The following TMEM258 variants were observed in gnomAD, a reference collection of about 807,000 sequenced individuals.
TMEM258 encodes the protein transmembrane protein 258, also known as dolichyl-diphosphooligosaccharide--protein glycosyltransferase subunit TMEM258.
A neutral mutation model predicts 9.9 loss-of-function variants in TMEM258; 11 were observed. That is an observed-to-expected ratio of 1.11 (90% confidence interval 0.70 to 1.85). The LOEUF is 1.85. TMEM258 is among the 40% of genes most tolerant of loss of function. The pLI is 0.00. For synonymous variants in TMEM258, 40 were observed against 39.1 expected (o/e 1.02, Z -0.09); for missense variants, 81 against 99.7 (o/e 0.81, Z 0.80).
In TMEM258 at chr11:61,792,591, C is replaced by T. The variant is rs778190929; in HGVS notation, c.-33G>A. The T allele has an allele frequency of 5.0e-6, 8 of 1,613,438 alleles. 1 individual carries two copies. In the South Asian group the frequency reaches 8.8e-5, roughly 18 times the overall value. On this transcript the variant is annotated 5_prime_UTR_variant, in exon 1 of 4. Transcript: ENST00000537328. ...CGCGAAGGCTAATCCGCCGCTCCGC[C>T]ACCGGAAGAACACGTCGGCAGGAGC...
intron 3 of TMEM258, among the ~76,000 whole-genome samples, chr11:61,789,536 C>T (rs886595155): frequency 1.3e-5 from 2 of 152,244 alleles, no homozygotes; most frequent in African/African-American, 2.4e-5. Flanking sequence ...GGTGGTACAT[C>T]CCAAAGGCAG....
At chr11:61,792,423 C>G (rs2066791516) in intron 1 of TMEM258, 133 bp downstream of exon 1, 1 of 1,346,740 alleles carries the variant, frequency 7.4e-7, no homozygotes, top group Admixed American at 1.7e-5. Context: ...CTTCCCCACC[C>G]TTCAGCCCAA....
intron 2 of TMEM258, chr11:61,790,284 G>T: frequency 1.7e-6 from 1 of 605,850 alleles, no homozygotes. Flanking sequence ...CACTGTCCTG[G>T]AAATCCAAAG....
chr11:61,789,721 TCTGGGGAGGCTTCC>T, intron 3 of TMEM258, 50 bp downstream of exon 3: 1 of 1,522,550 alleles, frequency 6.6e-7, no homozygotes, highest in African/African-American at 1.4e-5. Context: ...CTGACCTGAC[TCTGGGGAGGCTTCC>T]CTGGGCTGTG....
intron 1 of TMEM258, 28 bp from the exon 2 acceptor site, chr11:61,790,630 T>C: frequency 6.3e-7 from 1 of 1,586,148 alleles, no homozygotes; most frequent in Non-Finnish European, 8.6e-7. Flanking sequence ...ATCAGAGCTA[T>C]CAAAGAATCC....
intron 2 of TMEM258, 66 bp downstream of exon 2, chr11:61,790,427 C>G (rs765803216): frequency 7.1e-7 from 1 of 1,416,582 alleles, no homozygotes; most frequent in Non-Finnish European, 9.8e-7. Flanking sequence ...ATGTACCTAG[C>G]GTGGTTTCTC....
intron 1 of TMEM258, among the ~76,000 whole-genome samples, chr11:61,791,028 T>C (rs981812811): frequency 6.6e-6 from 1 of 152,144 alleles, no homozygotes; most frequent in Non-Finnish European, 1.5e-5. Context: ...CTCGGCTCAC[T>C]GCAACCTCTG....
rs1397718643 is a variant in TMEM258 at position 61,789,912 on chromosome 11, G to A, written c.123C>T (p.Val41=). 3 of 1,613,062 alleles carry A rather than the reference G, an allele frequency of 1.9e-6. No homozygotes were observed. The African/African-American group carries it at 4.0e-5, about 22-fold the overall frequency. Residue 41 remains valine (V), a synonymous_variant, in exon 3 of 4, where the codon GTC becomes GTT. Coordinates refer to ENST00000537328, the MANE Select transcript of TMEM258 (RefSeq NM_014206.4). ...TATCACGAGTGTACTTGGTAGAGGT[G>A]ACCTCGTAACTGGGCACAGCAGTTA... The part of the protein sequence containing the change: ...FFTAWFFVYE[V]TSTKYTRDIY...
chr11:61,789,733 T>G, intron 3 of TMEM258, 52 bp downstream of exon 3: 2 of 1,554,900 alleles, frequency 1.3e-6, no homozygotes, highest in Non-Finnish European at 1.7e-6. Flanking sequence ...TGGGGAGGCT[T>G]CCCTGGGCTG....
Position 61,789,822 on chromosome 11 carries a change from C to T in TMEM258, c.213G>A (p.Leu71=). ...SLFMGFGVLF[L]LLWVGIYV ...ACACGTAGATGCCAACCCAGAGCAG[C>T]AGGAAGAGGACTCCAAAGCCCATGA... Residue 71 remains leucine (L), a synonymous_variant, in exon 3 of 4, where the codon CTG becomes CTA. Transcript: ENST00000537328. The T allele has an allele frequency of 6.2e-7, 1 of 1,613,550 alleles. No homozygotes were observed. The highest frequency in any genetic ancestry group is 1.3e-5 in the African/African-American group (1 of 75,014).
In TMEM258 at chr11:61,790,313, G is replaced by C; in HGVS notation, c.113+180C>G. The C allele has an allele frequency of 6.2e-6, 4 of 641,558 alleles. No homozygotes were observed. In the East Asian group the frequency reaches 8.3e-5, roughly 13 times the overall value. 39.7% of individuals were successfully genotyped at this position (641,558 alleles called of 1,614,324 possible). On this transcript the variant is annotated intron_variant, in intron 2 of 3. Transcript: ENST00000537328. The stretch of plus-strand genomic sequence containing the variant: ...TCCAAAGAACAAACTGAGCTCACCT[G>C]AACTTGGGAAATAAGGCTATAACCT...
chr11:61,790,246 C>T (rs2066773386), intron 2 of TMEM258: 3 of 581,734 alleles, frequency 5.2e-6, no homozygotes, highest in Non-Finnish European at 6.1e-6. Context: ...CCCTATTCCC[C>T]ACCTCCACTC....
At chr11:61,792,118 G>T (rs3218833) in intron 1 of TMEM258, 2 of 164,832 alleles carry the variant, frequency 1.2e-5, no homozygotes, top group African/African-American at 4.8e-5. Flanking sequence ...TAGGAGGCGT[G>T]GCCGAAAACA....
At chr11:61,789,963 G>A in intron 2 of TMEM258, 42 bp from the exon 3 acceptor site, 1 of 1,593,758 alleles carries the variant, frequency 6.3e-7, no homozygotes, top group South Asian at 1.1e-5. Flanking sequence ...GTGGACTGTG[G>A]AGTGCAGAGA....
At position 61,789,896 on chromosome 11, in the gene TMEM258, T is replaced by G; in HGVS notation, c.139A>C (p.Thr47Pro). 2 of 1,613,234 alleles carry G rather than the reference T, an allele frequency of 1.2e-6. No homozygotes were observed. The highest frequency in any genetic ancestry group is 1.7e-6 in the Non-Finnish European group (2 of 1,179,634). Reference sequence around the variant, plus strand: ...AGGAGCTCTTTATAGATATCACGAGTGTACTTGGTAGAGGTGACCTCGTAA... The same window carrying G: ...AGGAGCTCTTTATAGATATCACGAGGGTACTTGGTAGAGGTGACCTCGTAA... ...FVYEVTSTKYTRDIYKELLIS... is the reference protein window; with the variant it reads ...FVYEVTSTKYPRDIYKELLIS... The change falls in exon 3 of 4, where the codon ACT (threonine) becomes CCT (proline). Residue 47 changes from threonine to proline, a missense_variant. Transcript: ENST00000537328.
intron 1 of TMEM258, among the ~76,000 whole-genome samples, chr11:61,791,077 G>A (rs1444393839): frequency 1.3e-5 from 2 of 151,886 alleles, no homozygotes; most frequent in African/African-American, 4.8e-5. Flanking sequence ...TCAGCCTCTC[G>A]AGTAGCTGGG....
chr11:61,789,946 C>T (rs570726749), intron 2 of TMEM258, 25 bp from the exon 3 acceptor site: 61 of 1,607,598 alleles, frequency 3.8e-5, no homozygotes, highest in East Asian at 2.2e-4. Context: ...TAAGGCAAAG[C>T]GAAGGGGTGG....
In TMEM258 at chr11:61,789,818, G is replaced by A. The variant is rs375581181; in HGVS notation, c.217C>T (p.Leu73Phe). ...FMGFGVLFLLLWVGIYV is the reference protein window; with the variant it reads ...FMGFGVLFLLFWVGIYV The stretch of plus-strand genomic sequence containing the variant: ...GCTCACACGTAGATGCCAACCCAGA[G>A]CAGCAGGAAGAGGACTCCAAAGCCC... The change falls in exon 3 of 4, where the codon CTC becomes TTC. Residue 73 changes from leucine (L) to phenylalanine (F), a missense_variant. Coordinates refer to ENST00000537328, the MANE Select transcript of TMEM258 (RefSeq NM_014206.4). 1.2e-5 allele frequency: 19 copies of A among 1,613,460 alleles called. No individual in the cohort carries two copies. Among genetic ancestry groups the A allele is most frequent in the Non-Finnish European group, 1.5e-5 (18 of 1,179,750 alleles).
chr11:61,790,490 T>C lies in TMEM258; in HGVS notation c.113+3A>G, dbSNP rs2066776265. ...GTCCTCTGGCTGCTCAGTGAAAGGA[T>C]ACACGAAGAACCAGGCGGTGAAGAA... On this transcript the variant is annotated splice_donor_region_variant and intron_variant, in intron 2 of 3. Coordinates refer to ENST00000537328, the MANE Select transcript of TMEM258 (RefSeq NM_014206.4). 6.2e-7 allele frequency: 1 copy of C among 1,613,206 alleles called. No individual in the cohort carries two copies. Among genetic ancestry groups the C allele is most frequent in the Non-Finnish European group, 8.5e-7 (1 of 1,179,498 alleles).
Sources: allele counts gnomAD v4.1 joint callset (sites outside exome capture counted in the v4.1 genomes callset), GRCh38; gene constraint gnomAD v4.1.1; transcripts MANE v1.5; gene names NCBI Gene and HGNC (gene_info 2026-07-23, HGNC 2026-07-21).